The following SLC16A5 variants were observed in gnomAD, a reference collection of about 807,000 sequenced individuals.
SLC16A5 encodes the protein solute carrier family 16 member 5, also known as monocarboxylate transporter 6.
SLC16A5 carries 29 observed loss-of-function variants against 33.2 expected under a neutral mutation model. The observed-to-expected ratio is 0.87, with a 90% CI of 0.65 to 1.19. The LOEUF is 1.19. SLC16A5 is among the 50% of genes most tolerant of loss of function. SLC16A5 has a pLI of 0.00. For synonymous variants in SLC16A5, 248 were observed against 284.1 expected (o/e 0.87, Z 1.28); for missense variants, 606 against 678.2 (o/e 0.89, Z 1.18).
chr17:75,090,568 C>A (rs2073624824), intron 2 of SLC16A5, among the ~76,000 whole-genome samples: 1 of 151,170 alleles, frequency 6.6e-6, no homozygotes, highest in South Asian at 2.1e-4. Context: ...TCAAGCGATT[C>A]TCCTGCCTCA....
At chr17:75,090,594 GCGACTACA>G in intron 2 of SLC16A5, among the ~76,000 whole-genome samples, 1 of 151,620 alleles carries the variant, frequency 6.6e-6, no homozygotes, top group African/African-American at 2.4e-5. Context: ...CCGAGTAGCT[GCGACTACA>G]GGCGAGCCCC....
At chr17:75,107,823 G>C (rs1365964762), downstream of SLC16A5, among the ~76,000 whole-genome samples, 1 of 152,146 alleles carries the variant, frequency 6.6e-6, no homozygotes, top group African/African-American at 2.4e-5. Flanking sequence ...TGTAGTCCCA[G>C]CTATTCAGGA....
chr17:75,090,794 G>A (rs1338212603), intron 2 of SLC16A5, among the ~76,000 whole-genome samples: 1 of 152,110 alleles, frequency 6.6e-6, no homozygotes, highest in African/African-American at 2.4e-5. Flanking sequence ...AGGTGCATAA[G>A]GGTTCCTGGG....
rs573408471 is a variant in SLC16A5 at position 75,104,091 on chromosome 17, C to T, written c.1275C>T (p.Gly425=). Residue 425 remains glycine (G), a synonymous_variant, in exon 6 of 7, where the codon GGC becomes GGT. Transcript: ENST00000329783. ...SFYALQKKEQ[G]KQAVAADALE... Reference sequence around the variant, plus strand: ...ACGCCCTGCAGAAGAAGGAGCAAGGCAAGCAGGCTGTCGCGGCGGATGCCC... The same window carrying T: ...ACGCCCTGCAGAAGAAGGAGCAAGGTAAGCAGGCTGTCGCGGCGGATGCCC... 217 of 1,614,206 alleles carry T rather than the reference C, an allele frequency of 1.3e-4. 3 individuals are homozygous for T. The South Asian group carries it at 2.3e-3, about 17-fold the overall frequency.
downstream of SLC16A5, among the ~76,000 whole-genome samples, chr17:75,106,590 TTTAAA>T (rs1021574477): frequency 2.8e-5 from 3 of 107,576 alleles, no homozygotes; most frequent in African/African-American, 1.1e-4. Context: ...CTGTCTTTTT[TTTAAA>T]AAAAAAAAAA....
chr17:75,100,661 G>A lies in SLC16A5; in HGVS notation c.998G>A (p.Gly333Asp), dbSNP rs1430286459. Residue 333 changes from glycine to aspartate, a missense_variant, in exon 5 of 7, where the codon GGC (glycine) becomes GAC (aspartate). By Grantham distance (94) the Gly-to-Asp change is moderately conservative. Transcript: ENST00000329783. ...AASGDFWVLV[G>D]YCLAYSVSMS... ...TCAGGTGACTTCTGGGTGCTCGTGG[G>A]CTACTGCCTGGCGTACAGCGTGTCC... 3.1e-6 allele frequency: 5 copies of A among 1,614,196 alleles called. No homozygotes were observed. The highest frequency in any genetic ancestry group is 4.2e-6 in the Non-Finnish European group (5 of 1,180,044).
chr17:75,109,258 A>C (rs534632521), downstream of SLC16A5, among the ~76,000 whole-genome samples: 12 of 152,014 alleles, frequency 7.9e-5, no homozygotes, highest in African/African-American at 2.9e-4. The surrounding 1 kb of genome is among the most constrained non-coding windows in gnomAD (Gnocchi z 5.0). Flanking sequence ...CGCGCCATCC[A>C]CCCGGCTGAC....
intron 3 of SLC16A5, among the ~76,000 whole-genome samples, chr17:75,097,483 T>C (rs2073735131): frequency 7.8e-6 from 1 of 127,538 alleles, no homozygotes; most frequent in Admixed American, 9.5e-5. Flanking sequence ...CAGAGGCCAG[T>C]GCAAGGAGGC....
intron 3 of SLC16A5, among the ~76,000 whole-genome samples, chr17:75,097,215 C>A (rs1212922971): frequency 6.6e-6 from 1 of 152,126 alleles, no homozygotes; most frequent in Admixed American, 6.6e-5. Context: ...GCACACACTT[C>A]CCTGTCCCTT....
rs1555644925 is a variant in SLC16A5 at position 75,092,026 on chromosome 17, G to GTGTGTGTGTGTGT, written c.-48-1563_-48-1562insTGTGTGTGTGTGT. On this transcript the variant is annotated intron_variant, in intron 2 of 6. Transcript: ENST00000329783. ...ACCTTGCTAAGCCAAAGATGTGAGG[G>GTGTGTGTGTGTGT]GGGTGTGTGTGTGTGTGTGTGTGTG... 6.3e-3 allele frequency among the ~76,000 whole-genome samples: 387 copies of GTGTGTGTGTGTGT among 61,820 alleles called. 2 individuals carry two copies. Among genetic ancestry groups the GTGTGTGTGTGTGT allele is most frequent in the African/African-American group, 0.032 (326 of 10,206 alleles). 40.6% of individuals were successfully genotyped at this position (61,820 alleles called of 152,430 possible). A position where few individuals can be genotyped will look rare whatever the true frequency, so the allele number is the denominator to read the frequency against.
At chr17:75,099,923 G>A (rs2073767748) in intron 4 of SLC16A5, 84 bp from the exon 5 acceptor site, 1 of 1,294,130 alleles carries the variant, frequency 7.7e-7, no homozygotes, top group Admixed American at 2.3e-5. Flanking sequence ...GGGCAGGTGT[G>A]TGAAATGACC....
Position 75,103,868 on chromosome 17 carries a change from A to G in SLC16A5, c.1154-102A>G, listed in dbSNP as rs528390313. 10 of 995,500 alleles carry G rather than the reference A, an allele frequency of 1.0e-5. No individual in the cohort carries two copies. In the East Asian group the frequency reaches 2.4e-4, roughly 24 times the overall value. The allele number at this position is 995,500 out of a possible 1,614,324, so 61.7% of individuals were successfully genotyped here. A position where few individuals can be genotyped will look rare whatever the true frequency, so the allele number is the denominator to read the frequency against. ...CTACTGGGTGTCAGCCACAATTCCT[A>G]GTACAGCAGAGACAAAAATAAAATA... On this transcript the variant is annotated intron_variant, in intron 5 of 6. Coordinates refer to ENST00000329783, the MANE Select transcript of SLC16A5 (RefSeq NM_004695.4).
At chr17:75,102,636 C>G (rs546132608) in intron 5 of SLC16A5, among the ~76,000 whole-genome samples, 3 of 152,126 alleles carry the variant, frequency 2.0e-5, no homozygotes, top group Non-Finnish European at 4.4e-5. Flanking sequence ...CAACACAAGG[C>G]GGCGGTTATT....
Position 75,093,284 on chromosome 17 carries a change from A to G in SLC16A5, c.-48-305A>G, listed in dbSNP as rs999035419. The G allele has an allele frequency of 3.7e-6, 3 of 804,614 alleles. No homozygotes were observed. The South Asian group carries it at 5.0e-5, about 13-fold the overall frequency. 49.8% of individuals were successfully genotyped at this position (804,614 alleles called of 1,614,324 possible). ...CTGTTGACTTCTAAGTGATGTAACA[A>G]TTAGAGACAATTGTACCCCATTGCC... On this transcript the variant is annotated intron_variant, in intron 2 of 6. Transcript: ENST00000329783.
At chr17:75,099,527 C>T (rs916043993) in intron 4 of SLC16A5, among the ~76,000 whole-genome samples, 5 of 152,192 alleles carry the variant, frequency 3.3e-5, no homozygotes, top group Admixed American at 1.3e-4. Flanking sequence ...CTGCAACCTC[C>T]ACTTCCCGGG....
At chr17:75,102,657 C>G (rs769282224) in intron 5 of SLC16A5, among the ~76,000 whole-genome samples, 1 of 152,126 alleles carries the variant, frequency 6.6e-6, no homozygotes, top group Non-Finnish European at 1.5e-5. Flanking sequence ...AGAGTAGATC[C>G]GGGAGGTTGA....
chr17:75,110,141 A>G (rs2073897119), downstream of SLC16A5: 2 of 701,658 alleles, frequency 2.9e-6, no homozygotes, highest in Non-Finnish European at 4.7e-6. Context: ...AAATTACTGC[A>G]GAATCTGAAC....
chr17:75,099,609 C>G (rs1240164567), intron 4 of SLC16A5, among the ~76,000 whole-genome samples: 2 of 151,510 alleles, frequency 1.3e-5, no homozygotes, highest in Non-Finnish European at 2.9e-5. Flanking sequence ...CTAAGCCTGG[C>G]TAATTTTTTT....
chr17:75,106,930 C>G (rs533861804), downstream of SLC16A5, among the ~76,000 whole-genome samples: 2 of 150,870 alleles, frequency 1.3e-5, no homozygotes, highest in African/African-American at 2.4e-5. Flanking sequence ...TTTGGGAGGT[C>G]AGAGCAGGAG....
Sources: allele counts gnomAD v4.1 joint callset (sites outside exome capture counted in the v4.1 genomes callset), GRCh38; gene constraint gnomAD v4.1.1; non-coding constraint Gnocchi (gnomAD v3.1); transcripts MANE v1.5; gene names NCBI Gene and HGNC (gene_info 2026-07-23, HGNC 2026-07-21).